HSPA8: variants seen among roughly 807,000 people sequenced by gnomAD.
The protein encoded by HSPA8 is heat shock cognate 71 kDa protein.
HSPA8 carries 2 observed loss-of-function variants against 52.8 expected under a neutral mutation model. The observed-to-expected ratio is 0.04, with a 90% confidence interval of 0.02 to 0.12. The LOEUF (loss-of-function observed/expected upper bound fraction) is 0.12, where lower values mean the gene tolerates loss of function less well. Ranked by LOEUF, HSPA8 falls within the 10% of genes least tolerant of loss-of-function variation. The pLI is 1.00. For missense variants in HSPA8, 349 were observed against 800.5 expected, an observed-to-expected ratio of 0.44 and a Z score of 6.81; for synonymous variants, 436 against 274.0, an observed-to-expected ratio of 1.59 and a Z score of -5.84.
upstream of HSPA8, chr11:123,062,457 G>A (rs941850159): frequency 9.2e-5 from 14 of 152,312 alleles, no homozygotes; most frequent in Admixed American, 9.2e-4. Flanking sequence ...ACCCCGGGCG[G>A]GGGAGGGGAG....
At chr11:123,058,603 G>A in intron 7 of HSPA8, 29 bp downstream of exon 7, 1 of 1,596,658 alleles carries the variant, frequency 6.3e-7, no homozygotes, top group Non-Finnish European at 8.6e-7. Flanking sequence ...CATTATCCCT[G>A]TCAAGACCAG....
rs2135441245 is a variant in HSPA8 at position 123,059,075 on chromosome 11, G to A, written c.1307C>T (p.Pro436Leu). The stretch of plus-strand genomic sequence containing the variant: ...GAAACATACCTGAATAAGCACACCA[G>A]GCTGGTTGTCAGAATAGGTAGTGAA... ...QTFTTYSDNQ[P>L]GVLIQVYEGE... Residue 436 changes from proline to leucine, a missense_variant, in exon 6 of 9, where the codon CCT becomes CTT. Transcript: ENST00000534624. 1 of 1,612,682 alleles carries A rather than the reference G, an allele frequency of 6.2e-7. No homozygotes were observed. Among genetic ancestry groups the A allele is most frequent in the South Asian group, 1.1e-5 (1 of 91,024 alleles).
rs1388306788 is a variant in HSPA8 at position 123,060,712 on chromosome 11, C to A, written c.292G>T (p.Ala98Ser). Reference protein sequence around the residue: ...KHWPFMVVNDAGRPKVQVEYK... With the variant: ...KHWPFMVVNDSGRPKVQVEYK... ...TCTACTTGGACCTTGGGCCTGCCAG[C>A]ATCATTCACCACCATAAAGGGCCAA... The change falls in exon 3 of 9, where the codon GCT (alanine) becomes TCT (serine). Residue 98 changes from alanine (A) to serine (S), a missense_variant. By Grantham distance (99) the Ala-to-Ser change is moderately conservative. Coordinates refer to ENST00000534624, the MANE Select transcript of HSPA8 (RefSeq NM_006597.6). The A allele has an allele frequency of 6.2e-7, 1 of 1,613,896 alleles. No individual in the cohort carries two copies. Among genetic ancestry groups the A allele is most frequent in the Non-Finnish European group, 8.5e-7 (1 of 1,179,856 alleles).
Position 123,061,163 on chromosome 11 carries a change from G to A in HSPA8, c.162C>T (p.Ala54=), listed in dbSNP as rs767193605. 8 of 1,613,646 alleles carry A rather than the reference G, an allele frequency of 5.0e-6. No individual in the cohort carries two copies. Among genetic ancestry groups the A allele is most frequent in the South Asian group, 2.2e-5 (2 of 90,998 alleles). ...GGTTCATTGCAACTTGATTCTTTGC[G>A]GCATCACCGATCAACCGTTCAGTGT... The part of the protein sequence containing the change: ...FTDTERLIGD[A]AKNQVAMNPT... Residue 54 remains alanine, a synonymous_variant, in exon 2 of 9, where the codon GCC becomes GCT. Coordinates refer to ENST00000534624, the MANE Select transcript of HSPA8 (RefSeq NM_006597.6).
At position 123,057,935 on chromosome 11, in the gene HSPA8, A is replaced by T. The variant is rs756441145; in HGVS notation, c.1756-16T>A. The stretch of plus-strand genomic sequence containing the variant: ...TCTCAGCAGTCTGAGGAAGAGAAAA[A>T]GGAATTACTGCAAGTTCTTTTAATG... On this transcript the variant is annotated splice_polypyrimidine_tract_variant and intron_variant, in intron 8 of 8. Transcript: ENST00000534624. 4 of 1,568,564 alleles carry T rather than the reference A, an allele frequency of 2.6e-6. 1 individual carries two copies. In the South Asian group the frequency reaches 3.5e-5, roughly 14 times the overall value.
At position 123,057,880 on chromosome 11, in the gene HSPA8, G is replaced by C; in HGVS notation, c.1795C>G (p.Leu599Val). 1.2e-6 allele frequency: 2 copies of C among 1,611,742 alleles called. No individual in the cohort carries two copies. The highest frequency in any genetic ancestry group is 1.7e-6 in the Non-Finnish European group (2 of 1,179,272). Reference sequence around the variant, plus strand: ...ATGATGGGGTTGCAAACTTTCTCCAGCTCTTTCTGTTGATGTTCAAATTCT... The same window carrying C: ...ATGATGGGGTTGCAAACTTTCTCCACCTCTTTCTGTTGATGTTCAAATTCT... Reference protein sequence around the residue: ...KEEFEHQQKELEKVCNPIITK... With the variant: ...KEEFEHQQKEVEKVCNPIITK... Residue 599 changes from leucine (L) to valine (V), a missense_variant, in exon 9 of 9, where the codon CTG becomes GTG. Coordinates refer to ENST00000534624, the MANE Select transcript of HSPA8 (RefSeq NM_006597.6).
rs771925377 is a variant in HSPA8 at position 123,060,280 on chromosome 11, G to C, written c.412-12C>G. ...GCATTGGTAACAGTCTAGGAATAAG[G>C]AAAAGACCACAGATTGGTAACTATT... On this transcript the variant is annotated splice_polypyrimidine_tract_variant and intron_variant, in intron 3 of 8. Transcript: ENST00000534624. The C allele has an allele frequency of 3.1e-6, 5 of 1,611,512 alleles. No individual in the cohort carries two copies. Among genetic ancestry groups the C allele is most frequent in the Non-Finnish European group, 4.2e-6 (5 of 1,179,204 alleles).
chr11:123,060,388 A>G (rs1865457302), intron 3 of HSPA8, 120 bp from the exon 4 acceptor site: 1 of 1,041,020 alleles, frequency 9.6e-7, no homozygotes, highest in East Asian at 2.4e-5. Context: ...CAAAATGTAA[A>G]TTACTGTGTA....
intron 3 of HSPA8, 143 bp from the exon 4 acceptor site, chr11:123,060,411 C>T (rs535366112): frequency 4.2e-5 from 41 of 978,118 alleles, no homozygotes; most frequent in Non-Finnish European, 5.4e-5. Flanking sequence ...TGTCAAGATT[C>T]ACTGGTTTCT....
At chr11:123,060,850 A>T in intron 2 of HSPA8, 52 bp from the exon 3 acceptor site, 1 of 1,508,622 alleles carries the variant, frequency 6.6e-7, no homozygotes, top group Non-Finnish European at 9.2e-7. Flanking sequence ...TCTTCTGATA[A>T]AACTCAAGTC....
At position 123,061,340 on chromosome 11, in the gene HSPA8, G is replaced by A; in HGVS notation, c.-5-11C>T. 8.8e-6 allele frequency: 14 copies of A among 1,593,700 alleles called. No individual in the cohort carries two copies. The highest frequency in any genetic ancestry group is 3.4e-5 in the Admixed American group (2 of 59,384). On this transcript the variant is annotated splice_polypyrimidine_tract_variant and intron_variant, in intron 1 of 8. Coordinates refer to ENST00000534624, the MANE Select transcript of HSPA8 (RefSeq NM_006597.6). The stretch of plus-strand genomic sequence containing the variant: ...CCTTGGACATGGTTGCTGAAAAAAA[G>A]AAAAATCTGGTTTAAAAATTCAATT...
intron 8 of HSPA8, 158 bp from the exon 9 acceptor site, chr11:123,058,077 T>C (rs1316525292): frequency 1.4e-6 from 1 of 718,594 alleles, no homozygotes; most frequent in Non-Finnish European, 2.3e-6. Context: ...ACATCTTGGG[T>C]CACTCAGACA....
At position 123,058,669 on chromosome 11, in the gene HSPA8, C is replaced by T. The variant is rs147529697; in HGVS notation, c.1485G>A (p.Thr495=). The T allele has an allele frequency of 7.9e-5, 127 of 1,613,820 alleles. No individual in the cohort carries two copies. Among genetic ancestry groups the T allele is most frequent in the Middle Eastern group, 3.3e-4 (2 of 6,046 alleles). The part of the protein sequence containing the change: ...ILNVSAVDKS[T]GKENKITITN... ...TGATAGTAATCTTGTTCTCTTTTCC[C>T]GTACTCTTGTCCACAGCAGAGACAT... The change falls in exon 7 of 9, where the codon ACG becomes ACA. Residue 495 remains threonine (T), a synonymous_variant. Coordinates refer to ENST00000534624, the MANE Select transcript of HSPA8 (RefSeq NM_006597.6).
intron 3 of HSPA8, 80 bp downstream of exon 3, chr11:123,060,513 C>CCAGGT: frequency 1.8e-6 from 2 of 1,127,752 alleles, no homozygotes; most frequent in African/African-American, 1.6e-5. Context: ...TCCCCTCCCT[C>CCAGGT]GCCAGGTGCC....
At chr11:123,061,393 C>T in intron 1 of HSPA8, 64 bp from the exon 2 acceptor site, 2 of 1,271,052 alleles carry the variant, frequency 1.6e-6, no homozygotes, top group Non-Finnish European at 1.1e-6. Flanking sequence ...CATCCCTTAA[C>T]AGAACACTTA....
intron 8 of HSPA8, 95 bp downstream of exon 8, chr11:123,058,154 CATT>C (rs899459432): frequency 3.0e-5 from 25 of 842,236 alleles, no homozygotes; most frequent in African/African-American, 1.9e-4. Flanking sequence ...GACCATTCAT[CATT>C]GTGACCCTAC....
chr11:123,058,317 C>G lies in HSPA8; in HGVS notation c.1690G>C (p.Asp564His). ...TCCAGAATCTTCTGTTTGTCCTCAT[C>G]GTTAATCTTGCCTTGAAGTTTCTCA... is the stretch of plus-strand genomic sequence containing the variant. ...EDEKLQGKIN[D>H]EDKQKILDKC... The change falls in exon 8 of 9, where the codon GAT (aspartate) becomes CAT (histidine). Residue 564 changes from aspartate (D) to histidine (H), a missense_variant. Transcript: ENST00000534624. 6.2e-7 allele frequency: 1 copy of G among 1,612,988 alleles called. No individual in the cohort carries two copies. Among genetic ancestry groups the G allele is most frequent in the Admixed American group, 1.7e-5 (1 of 59,934 alleles).
Position 123,057,541 on chromosome 11 carries a change from T to TA in HSPA8, c.*192dup, listed in dbSNP as rs1865340191. On this transcript the variant is annotated 3_prime_UTR_variant, in exon 9 of 9. Coordinates refer to ENST00000534624, the MANE Select transcript of HSPA8 (RefSeq NM_006597.6). ...TATTTAAGACATTGCATTTTCCACT[T>TA]ACAATACAGTGTTTATAAAGTGCAA... 1 of 487,216 alleles carries TA rather than the reference T, an allele frequency of 2.1e-6. No individual in the cohort carries two copies. Among genetic ancestry groups the TA allele is most frequent in the East Asian group, 3.4e-5 (1 of 29,034 alleles). The allele number at this position is 487,216 out of a possible 1,614,324, so 30.2% of individuals were successfully genotyped here. A position where few individuals can be genotyped will look rare whatever the true frequency, so the allele number is the denominator to read the frequency against.
At position 123,057,931 on chromosome 11, in the gene HSPA8, A is replaced by G. The variant is rs987980360; in HGVS notation, c.1756-12T>C. 3 of 1,576,980 alleles carry G rather than the reference A, an allele frequency of 1.9e-6. No individual in the cohort carries two copies. The highest frequency in any genetic ancestry group is 2.6e-6 in the Non-Finnish European group (3 of 1,161,284). On this transcript the variant is annotated splice_polypyrimidine_tract_variant and intron_variant, in intron 8 of 8. Transcript: ENST00000534624. ...TCCTTCTCAGCAGTCTGAGGAAGAG[A>G]AAAAGGAATTACTGCAAGTTCTTTT... is the stretch of plus-strand genomic sequence containing the variant.
Sources: gnomAD v4.1 joint callset for allele counts on GRCh38, gnomAD v4.1.1 for gene constraint, MANE v1.5 for transcripts, NCBI Gene and HGNC (gene_info 2026-07-23, HGNC 2026-07-21) for gene names.